The following NKAIN2 variants were observed in gnomAD, a reference collection of about 807,000 sequenced individuals.
NKAIN2 encodes sodium/potassium-transporting ATPase subunit beta-1-interacting protein 2.
In NKAIN2, 14 loss-of-function variants were observed where a neutral mutation model predicts 32.6. That is an observed-to-expected ratio of 0.43 (90% CI 0.28 to 0.67). The LOEUF (loss-of-function observed/expected upper bound fraction) is 0.67. Among genes scored for constraint, NKAIN2 ranks in the 30% least tolerant of loss-of-function variants. The probability of loss-of-function intolerance (pLI) is 0.17; values close to 1 mark genes in which losing one functional copy is unlikely to be tolerated. For synonymous variants in NKAIN2, 80 were observed against 87.2 expected, an observed-to-expected ratio of 0.92 and a Z score of 0.46; for missense variants, 198 against 258.3, an observed-to-expected ratio of 0.77 and a Z score of 1.60.
At chr6:124,585,002 G>T (rs1000524662) in intron 3 of NKAIN2, among the ~76,000 whole-genome samples, 3 of 152,108 alleles carry the variant, frequency 2.0e-5, no homozygotes, top group African/African-American at 7.2e-5. Context: ...AAAGATATCT[G>T]CACTCCCATG....
At chr6:123,834,376 A>T (rs1357279181) in intron 1 of NKAIN2, among the ~76,000 whole-genome samples, 1 of 150,970 alleles carries the variant, frequency 6.6e-6, no homozygotes, top group Non-Finnish European at 1.5e-5. Context: ...GCTGGTCTTG[A>T]ACTCCTGACC....
chr6:123,831,454 C>CT (rs34291249), intron 1 of NKAIN2, among the ~76,000 whole-genome samples: 49,643 of 144,562 alleles, frequency 0.34, 9,451 homozygotes, highest in African/African-American at 0.53. Flanking sequence ...AGTTTTAACT[C>CT]TTTTTTTTTT....
At chr6:124,632,165 A>G (rs1244243698) in intron 3 of NKAIN2, among the ~76,000 whole-genome samples, 2 of 152,214 alleles carry the variant, frequency 1.3e-5, no homozygotes, top group African/African-American at 2.4e-5. Context: ...GTGAACACAC[A>G]TCTTAATTAA....
chr6:124,165,812 C>T (rs1362736982), intron 1 of NKAIN2, among the ~76,000 whole-genome samples: 2 of 145,116 alleles, frequency 1.4e-5, no homozygotes, highest in African/African-American at 5.2e-5. Flanking sequence ...TGATGATTTC[C>T]AATTTCATCC....
intron 1 of NKAIN2, among the ~76,000 whole-genome samples, chr6:123,960,786 C>G (rs751671648): frequency 1.3e-5 from 2 of 151,874 alleles, no homozygotes; most frequent in East Asian, 1.9e-4. Context: ...GTCTTAGACT[C>G]TCTTCCTATA....
At chr6:124,279,642 C>T (rs73565620) in intron 1 of NKAIN2, among the ~76,000 whole-genome samples, 16 of 150,432 alleles carry the variant, frequency 1.1e-4, no homozygotes, top group Non-Finnish European at 2.2e-4. Context: ...TTTATAGATA[C>T]AAAAATCCCA....
intron 4 of NKAIN2, among the ~76,000 whole-genome samples, chr6:124,729,552 C>T (rs1776541004): frequency 6.6e-6 from 1 of 151,660 alleles, no homozygotes; most frequent in African/African-American, 2.4e-5. Context: ...ATTGATGGGA[C>T]ATATTTCAAA....
intron 4 of NKAIN2, among the ~76,000 whole-genome samples, chr6:124,669,107 T>C (rs1235530925): frequency 6.6e-6 from 1 of 152,130 alleles, no homozygotes; most frequent in Non-Finnish European, 1.5e-5. Flanking sequence ...CATGACAACT[T>C]ATCACCAGGA....
intron 1 of NKAIN2, among the ~76,000 whole-genome samples, chr6:124,204,380 T>G (rs893796194): frequency 1.3e-5 from 2 of 151,760 alleles, no homozygotes; most frequent in African/African-American, 4.8e-5. Context: ...TACAGATTTT[T>G]TAGGTTTTAA....
intron 4 of NKAIN2, among the ~76,000 whole-genome samples, chr6:124,707,072 T>A (rs892294452): frequency 1.4e-5 from 2 of 145,456 alleles, no homozygotes; most frequent in Non-Finnish European, 3.0e-5. Flanking sequence ...TTCCCACCTA[T>A]GAGTGAGAAT....
At chr6:124,474,732 T>C (rs1777114139) in intron 3 of NKAIN2, among the ~76,000 whole-genome samples, 1 of 150,974 alleles carries the variant, frequency 6.6e-6, no homozygotes. Context: ...TAGAACTATT[T>C]TGAGCTCTCT....
chr6:124,658,907 GATTCTA>G (rs1784640356), intron 4 of NKAIN2: 1 of 151,210 alleles, frequency 6.6e-6, no homozygotes, highest in East Asian at 2.0e-4. Context: ...ATTTTCTATA[GATTCTA>G]ATTCTAAGAC....
chr6:124,597,576 C>A (rs1037985914), intron 3 of NKAIN2, among the ~76,000 whole-genome samples: 1 of 151,986 alleles, frequency 6.6e-6, no homozygotes, highest in African/African-American at 2.4e-5. Flanking sequence ...TCATTTGCTG[C>A]AATGGAAAAT....
chr6:124,035,763 T>C (rs1024247070), intron 1 of NKAIN2, among the ~76,000 whole-genome samples: 22 of 152,168 alleles, frequency 1.4e-4, no homozygotes, highest in Admixed American at 8.5e-4. Flanking sequence ...TGTTTCAAAG[T>C]AATATTAAAA....
intron 2 of NKAIN2, among the ~76,000 whole-genome samples, chr6:124,354,611 G>A (rs1435678610): frequency 2.6e-5 from 4 of 152,130 alleles, no homozygotes; most frequent in African/African-American, 9.7e-5. Flanking sequence ...ACAACTTGGG[G>A]AAAGGTTGAT....
chr6:124,500,692 ATAAAT>A (rs2114747153), intron 3 of NKAIN2, among the ~76,000 whole-genome samples: 1 of 151,774 alleles, frequency 6.6e-6, no homozygotes, highest in South Asian at 2.1e-4. Context: ...AAATAATAAA[ATAAAT>A]AAAATAAAAT....
chr6:124,107,425 A>G (rs1785175261), intron 1 of NKAIN2, among the ~76,000 whole-genome samples: 1 of 152,180 alleles, frequency 6.6e-6, no homozygotes, highest in Non-Finnish European at 1.5e-5. Context: ...AAAGGTGATG[A>G]TAACAGTAAT....
At chr6:123,960,971 G>GA (rs375334134) in intron 1 of NKAIN2, among the ~76,000 whole-genome samples, 309 of 151,380 alleles carry the variant, frequency 2.0e-3, no homozygotes, top group Middle Eastern at 3.4e-3. Context: ...TTTCAAAAAT[G>GA]AAAAAAAATA....
At chr6:124,325,973 G>T (rs997007065) in intron 2 of NKAIN2, among the ~76,000 whole-genome samples, 3 of 151,896 alleles carry the variant, frequency 2.0e-5, no homozygotes, top group African/African-American at 7.2e-5. Flanking sequence ...TTGAATTAGA[G>T]TTTATATATT....
Sources: gnomAD v4.1 joint callset for allele counts (sites outside exome capture counted in the v4.1 genomes callset) on GRCh38, gnomAD v4.1.1 for gene constraint, MANE v1.5 for transcripts, NCBI Gene and HGNC (gene_info 2026-07-23, HGNC 2026-07-21) for gene names.